The following OXR1 variants were observed in gnomAD, a reference collection of about 807,000 sequenced individuals.
OXR1 encodes oxidation resistance 1, also known as oxidation resistance protein 1.
In OXR1, 41 loss-of-function variants were observed where a neutral mutation model predicts 104.6. That is an observed-to-expected ratio of 0.39 (90% CI 0.31 to 0.51). The LOEUF (loss-of-function observed/expected upper bound fraction) is 0.51, where lower values mean the gene tolerates loss of function less well. OXR1 is among the 20% of genes least tolerant of loss of function. OXR1 has a pLI of 0.77. For missense variants in OXR1, 955 were observed against 1,031.9 expected (o/e 0.93, Z 1.02); for synonymous variants, 348 against 348.4 (o/e 1.00, Z 0.01).
chr8:106,617,087 C>T (rs1471407582), intron 3 of OXR1, among the ~76,000 whole-genome samples: 2 of 152,098 alleles, frequency 1.3e-5, no homozygotes, highest in African/African-American at 4.8e-5. Context: ...CAGAAGCAGC[C>T]GGGCTATAGG....
intron 3 of OXR1, among the ~76,000 whole-genome samples, chr8:106,526,972 G>T (rs962581543): frequency 1.3e-5 from 2 of 152,098 alleles, no homozygotes; most frequent in Non-Finnish European, 2.9e-5. Context: ...GGTGTTTATT[G>T]AGCTCCTTCT....
chr8:106,415,493 C>CTT (rs1554571043), intron 2 of OXR1, among the ~76,000 whole-genome samples: 26 of 149,000 alleles, frequency 1.7e-4, no homozygotes, highest in African/African-American at 6.4e-4. Flanking sequence ...AATTTTAAGA[C>CTT]TGTGTGTGTG....
intron 2 of OXR1, among the ~76,000 whole-genome samples, chr8:106,449,022 G>T (rs939375995): frequency 6.6e-6 from 1 of 152,084 alleles, no homozygotes; most frequent in African/African-American, 2.4e-5. Flanking sequence ...TACTTAACCA[G>T]ATTACTTAAT....
chr8:106,526,236 G>A (rs1187592859), intron 3 of OXR1, among the ~76,000 whole-genome samples: 1 of 152,008 alleles, frequency 6.6e-6, no homozygotes, highest in Non-Finnish European at 1.5e-5. Flanking sequence ...GAACTCAATT[G>A]GCTGGATTCG....
chr8:106,373,916 G>A (rs944466584), intron 2 of OXR1, among the ~76,000 whole-genome samples: 3 of 152,158 alleles, frequency 2.0e-5, no homozygotes, highest in Non-Finnish European at 2.9e-5. Context: ...AAATCAGAAT[G>A]TAAAATCAAA....
At chr8:106,484,815 A>T (rs1310407874) in intron 2 of OXR1, among the ~76,000 whole-genome samples, 5 of 152,072 alleles carry the variant, frequency 3.3e-5, no homozygotes, top group African/African-American at 1.2e-4. Context: ...TACTTACCAC[A>T]TGACCCAGCA....
At position 106,311,417 on chromosome 8, in the gene OXR1, G is replaced by A. The variant is rs566400929; in HGVS notation, c.-139+41050G>A. Among the ~76,000 whole-genome samples the A allele has an allele frequency of 1.1e-4, 17 of 152,162 alleles. 1 individual carries two copies. The highest frequency in any genetic ancestry group is 4.1e-4 in the African/African-American group (17 of 41,524). ...TATTTATGTGTAGAACTTGTTGAGT[G>A]GTAAGCATTACTATTTTATCACTTG... On this transcript the variant is annotated intron_variant, in intron 1 of 16. Coordinates refer to ENST00000517566, the MANE Select transcript of OXR1 (RefSeq NM_001198533.2).
chr8:106,441,853 C>T (rs1161469246), intron 2 of OXR1, among the ~76,000 whole-genome samples: 3 of 152,258 alleles, frequency 2.0e-5, no homozygotes, highest in Admixed American at 1.3e-4. Context: ...AAAGACATGT[C>T]GTCTGCAAAC....
intron 3 of OXR1, among the ~76,000 whole-genome samples, chr8:106,618,967 G>A (rs1821469023): frequency 6.6e-6 from 1 of 151,850 alleles, no homozygotes; most frequent in Non-Finnish European, 1.5e-5. Context: ...TAAATGGAAG[G>A]AATAAAGATA....
chr8:106,424,081 C>T (rs532693470), intron 2 of OXR1, among the ~76,000 whole-genome samples: 5 of 152,022 alleles, frequency 3.3e-5, no homozygotes, highest in East Asian at 1.9e-4. Flanking sequence ...GGACTACAGA[C>T]GTTTGCCACC....
At chr8:106,525,891 A>G (rs1467873363) in intron 3 of OXR1, among the ~76,000 whole-genome samples, 1 of 152,172 alleles carries the variant, frequency 6.6e-6, no homozygotes, top group Non-Finnish European at 1.5e-5. Context: ...TAATCATCCA[A>G]TGTTCTTTAC....
chr8:106,562,826 A>C (rs977790040), intron 3 of OXR1, among the ~76,000 whole-genome samples: 12 of 152,200 alleles, frequency 7.9e-5, no homozygotes, highest in African/African-American at 2.7e-4. Context: ...CAACATTCTT[A>C]AAGAAAAGAA....
intron 2 of OXR1, among the ~76,000 whole-genome samples, chr8:106,466,176 T>C (rs1217898481): frequency 6.6e-6 from 1 of 151,986 alleles, no homozygotes; most frequent in Non-Finnish European, 1.5e-5. Flanking sequence ...CAACACATGA[T>C]AGACACTTAA....
intron 2 of OXR1, among the ~76,000 whole-genome samples, chr8:106,446,668 T>G (rs971018417): frequency 1.3e-5 from 2 of 151,384 alleles, no homozygotes; most frequent in Admixed American, 1.3e-4. Flanking sequence ...CAGTGACTCA[T>G]GCCTGCTATT....
intron 3 of OXR1, among the ~76,000 whole-genome samples, chr8:106,559,551 TATC>T (rs1816525983): frequency 1.3e-5 from 2 of 152,170 alleles, no homozygotes; most frequent in Non-Finnish European, 2.9e-5. Context: ...TACAACATAA[TATC>T]ATAGAAAATA....
At chr8:106,566,437 T>C (rs1817080799) in intron 3 of OXR1, among the ~76,000 whole-genome samples, 2 of 152,154 alleles carry the variant, frequency 1.3e-5, no homozygotes, top group Admixed American at 1.3e-4. Context: ...CTCATGCCTG[T>C]TAGAATGGTG....
At chr8:106,608,371 T>TA (rs1469153255) in intron 3 of OXR1, among the ~76,000 whole-genome samples, 1 of 152,162 alleles carries the variant, frequency 6.6e-6, no homozygotes, top group African/African-American at 2.4e-5. Context: ...TGTGCTCATG[T>TA]ACTTTATGGG....
chr8:106,359,912 A>C (rs1448140019), intron 2 of OXR1, among the ~76,000 whole-genome samples: 1 of 152,100 alleles, frequency 6.6e-6, no homozygotes, highest in Admixed American at 6.6e-5. Flanking sequence ...CCTAGGAGAG[A>C]GAAGTAATAT....
intron 11 of OXR1, among the ~76,000 whole-genome samples, chr8:106,733,285 A>C (rs574155820): frequency 6.6e-6 from 1 of 152,082 alleles, no homozygotes; most frequent in African/African-American, 2.4e-5. Context: ...GTATTTCTTC[A>C]TTATTCTTTT....
Sources: allele counts gnomAD v4.1 joint callset (sites outside exome capture counted in the v4.1 genomes callset), GRCh38; gene constraint gnomAD v4.1.1; transcripts MANE v1.5; gene names NCBI Gene and HGNC (gene_info 2026-07-23, HGNC 2026-07-21).